THSD7A: variants seen among roughly 807,000 people sequenced by gnomAD.
THSD7A encodes thrombospondin type 1 domain containing 7A, also known as thrombospondin type-1 domain-containing protein 7A.
Under a neutral mutation model 231.3 loss-of-function variants are expected in THSD7A, and 96 were observed. The ratio of observed to expected loss-of-function variants is 0.41; its 90% CI spans 0.35 to 0.49. THSD7A has a LOEUF of 0.49. Among genes scored for constraint, THSD7A ranks in the 20% least tolerant of loss-of-function variants. The pLI is 0.05. For synonymous variants in THSD7A, 940 were observed against 743.3 expected, an observed-to-expected ratio of 1.26 and a Z score of -4.30; for missense variants, 2,290 against 2,070.2, an observed-to-expected ratio of 1.11 and a Z score of -2.06.
At chr7:11,383,990 C>G (rs1488040183) in intron 23 of THSD7A, 2 of 151,972 alleles carry the variant, frequency 1.3e-5, no homozygotes, top group African/African-American at 4.8e-5. Flanking sequence ...GAGAATCCAG[C>G]TGTCTTAAGT....
At chr7:11,705,153 C>A (rs975895490) in intron 1 of THSD7A, among the ~76,000 whole-genome samples, 1 of 150,956 alleles carries the variant, frequency 6.6e-6, no homozygotes, top group Non-Finnish European at 1.5e-5. Context: ...GTTAAACTAA[C>A]AATTTGAGAA....
chr7:11,533,979 C>G (rs1289145250), intron 6 of THSD7A, among the ~76,000 whole-genome samples: 1 of 152,066 alleles, frequency 6.6e-6, no homozygotes, highest in Non-Finnish European at 1.5e-5. Flanking sequence ...CACTCTCTTT[C>G]ACAATATTGT....
intron 3 of THSD7A, 32 bp downstream of exon 3, chr7:11,593,222 G>T: frequency 1.2e-6 from 2 of 1,604,726 alleles, no homozygotes; most frequent in South Asian, 1.1e-5. Context: ...ATGTAGTTTC[G>T]GCAGACGCTA....
Position 11,590,402 on chromosome 7 carries a change from C to T in THSD7A, c.1453+58G>A. 1.9e-6 allele frequency: 3 copies of T among 1,547,906 alleles called. No individual in the cohort carries two copies. The highest frequency in any genetic ancestry group is 2.6e-6 in the Non-Finnish European group (3 of 1,143,760). ...TGGCTGTGTATATATCCCTTCAGAG[C>T]AATCACATGCTCAGTCAGTCTTCAT... On this transcript the variant is annotated intron_variant, in intron 4 of 27. Coordinates refer to ENST00000423059, the MANE Select transcript of THSD7A (RefSeq NM_015204.3). The surrounding 1 kb of genome is among the most constrained non-coding windows in gnomAD (Gnocchi z 4.4).
intron 1 of THSD7A, among the ~76,000 whole-genome samples, chr7:11,796,032 C>CCA (rs1784112810): frequency 1.3e-5 from 1 of 78,406 alleles, no homozygotes; most frequent in East Asian, 3.8e-4. Flanking sequence ...ATTAAATTAG[C>CCA]CATATATATA....
chr7:11,438,950 G>T (rs73282902), intron 13 of THSD7A, among the ~76,000 whole-genome samples: 1 of 151,740 alleles, frequency 6.6e-6, no homozygotes, highest in African/African-American at 2.4e-5. Context: ...TAATATTTTG[G>T]CTGATATATT....
intron 1 of THSD7A, among the ~76,000 whole-genome samples, chr7:11,760,015 A>G (rs1782804207): frequency 6.6e-6 from 1 of 152,064 alleles, no homozygotes; most frequent in African/African-American, 2.4e-5. Flanking sequence ...ACACAAACAA[A>G]ATATGAGAAG....
intron 2 of THSD7A, among the ~76,000 whole-genome samples, chr7:11,612,335 A>G (rs1780962077): frequency 6.6e-6 from 1 of 152,232 alleles, no homozygotes; most frequent in African/African-American, 2.4e-5. Context: ...TCAGGAGATG[A>G]AGAGGTCTCA....
chr7:11,485,873 T>C (rs1233998204), intron 6 of THSD7A, among the ~76,000 whole-genome samples: 8 of 152,232 alleles, frequency 5.3e-5, no homozygotes, highest in African/African-American at 2.4e-5. Context: ...TTTTGGCTCA[T>C]AGCCATTGAA....
chr7:11,471,658 G>A (rs898264024), intron 8 of THSD7A, among the ~76,000 whole-genome samples: 30 of 151,854 alleles, frequency 2.0e-4, no homozygotes, highest in Non-Finnish European at 3.1e-4. Flanking sequence ...TTTATCTTGC[G>A]CTGGAATTTC....
intron 1 of THSD7A, among the ~76,000 whole-genome samples, chr7:11,638,411 A>G (rs1781952110): frequency 6.6e-6 from 1 of 152,226 alleles, no homozygotes; most frequent in Non-Finnish European, 1.5e-5. Flanking sequence ...AACAATTGCT[A>G]GTATATGAAT....
At chr7:11,610,271 C>T (rs184637387) in intron 2 of THSD7A, among the ~76,000 whole-genome samples, 222 of 152,098 alleles carry the variant, frequency 1.5e-3, no homozygotes, top group African/African-American at 5.0e-3. Flanking sequence ...TATTTAGTCC[C>T]CTATCAGACT....
chr7:11,511,314 C>T lies in THSD7A; in HGVS notation c.1823-29332G>A, dbSNP rs960831128. Among the ~76,000 whole-genome samples, 11 of 152,288 alleles carry T rather than the reference C, an allele frequency of 7.2e-5. 1 individual carries two copies. The highest frequency in any genetic ancestry group is 2.6e-4 in the African/African-American group (11 of 41,548). On this transcript the variant is annotated intron_variant, in intron 6 of 27. Coordinates refer to ENST00000423059, the MANE Select transcript of THSD7A (RefSeq NM_015204.3). ...CAAACAAATGGAAGAACATTCCATG[C>T]TCATGGATAGGAAGAATCCATATTG...
At chr7:11,566,723 C>T (rs546449520) in intron 4 of THSD7A, among the ~76,000 whole-genome samples, 4 of 152,148 alleles carry the variant, frequency 2.6e-5, no homozygotes, top group African/African-American at 7.2e-5. Flanking sequence ...TCTATGTCCC[C>T]GTTTTTACTT....
intron 2 of THSD7A, among the ~76,000 whole-genome samples, chr7:11,618,678 C>G (rs1002624585): frequency 1.2e-4 from 18 of 151,864 alleles, no homozygotes; most frequent in African/African-American, 4.1e-4. Flanking sequence ...GTCCCAGCTA[C>G]TTGGGACGCT....
intron 1 of THSD7A, among the ~76,000 whole-genome samples, chr7:11,678,638 C>G (rs1783740410): frequency 6.6e-6 from 1 of 152,114 alleles, no homozygotes; most frequent in South Asian, 2.1e-4. Flanking sequence ...CCTCCCAAGA[C>G]TAAACCAGGA....
chr7:11,380,903 G>A (rs1415321669), intron 24 of THSD7A, among the ~76,000 whole-genome samples: 2 of 152,096 alleles, frequency 1.3e-5, no homozygotes, highest in Admixed American at 6.6e-5. Context: ...TTATAGGTAA[G>A]TCTTTTAAAA....
intron 1 of THSD7A, among the ~76,000 whole-genome samples, chr7:11,668,215 G>A (rs184753678): frequency 1.3e-5 from 2 of 152,174 alleles, no homozygotes; most frequent in African/African-American, 2.4e-5. Context: ...ACCTGAGGCC[G>A]AGACCTTCCT....
At chr7:11,792,449 C>T (rs1025821578) in intron 1 of THSD7A, among the ~76,000 whole-genome samples, 5 of 152,040 alleles carry the variant, frequency 3.3e-5, no homozygotes, top group Middle Eastern at 3.4e-3. Context: ...GAGTTTATTA[C>T]CAACTTTCCT....
Sources: allele counts gnomAD v4.1 joint callset (sites outside exome capture counted in the v4.1 genomes callset), GRCh38; gene constraint gnomAD v4.1.1; non-coding constraint Gnocchi (gnomAD v3.1); transcripts MANE v1.5; gene names NCBI Gene and HGNC (gene_info 2026-07-23, HGNC 2026-07-21).